The following ENKUR variants were observed in gnomAD, a reference collection of about 807,000 sequenced individuals.
ENKUR encodes enkurin, TRPC channel interacting protein, also known as enkurin.
Under a neutral mutation model 27.6 loss-of-function variants are expected in ENKUR, and 19 were observed. The observed-to-expected ratio is 0.69, with a 90% CI of 0.48 to 1.01. The LOEUF (loss-of-function observed/expected upper bound fraction) is 1.01, where lower values mean the gene tolerates loss of function less well. ENKUR is among the 50% of genes least tolerant of loss of function. The probability of loss-of-function intolerance (pLI) is 0.00; values close to 1 mark genes in which losing one functional copy is unlikely to be tolerated. For synonymous variants in ENKUR, 117 were observed against 96.9 expected, an observed-to-expected ratio of 1.21 and a Z score of -1.22; for missense variants, 312 against 310.5, an observed-to-expected ratio of 1.00 and a Z score of -0.04.
intron 2 of ENKUR, chr10:25,025,578 C>T: frequency 1.0e-6 from 1 of 960,354 alleles, no homozygotes; most frequent in Non-Finnish European, 1.5e-6. Context: ...TTTGGAATTT[C>T]AAAAGTCTGA....
At chr10:25,058,145 G>C (rs539111716) in intron 2 of ENKUR, among the ~76,000 whole-genome samples, 26 of 152,046 alleles carry the variant, frequency 1.7e-4, no homozygotes, top group African/African-American at 5.8e-4. Flanking sequence ...AGGTCTTATG[G>C]CTATTGTCAC....
intron 2 of ENKUR, among the ~76,000 whole-genome samples, chr10:25,034,049 C>T (rs1277990350): frequency 2.0e-5 from 3 of 151,970 alleles, no homozygotes; most frequent in Non-Finnish European, 4.4e-5. Flanking sequence ...GACTAAAGTA[C>T]ATTTCTACAT....
In ENKUR at chr10:25,008,687, T is replaced by C. The variant is rs183705031; in HGVS notation, c.77+7173A>G. On this transcript the variant is annotated intron_variant, in intron 1 of 5. Coordinates refer to ENST00000331161, the MANE Select transcript of ENKUR (RefSeq NM_145010.4). ...GGACTGTCAACTAGTTCAACCGTTGTGGAAGTGTGGCGATTCCTCAGGGAT... is the reference window on the plus strand; with the variant it reads ...GGACTGTCAACTAGTTCAACCGTTGCGGAAGTGTGGCGATTCCTCAGGGAT... 1.8e-4 allele frequency among the ~76,000 whole-genome samples: 28 copies of C among 152,134 alleles called. 1 individual carries two copies. The highest frequency in any genetic ancestry group is 1.8e-3 in the Admixed American group (27 of 15,266).
chr10:24,986,231 C>T (rs926947779), intron 4 of ENKUR, among the ~76,000 whole-genome samples: 2 of 152,120 alleles, frequency 1.3e-5, no homozygotes, highest in Admixed American at 6.6e-5. Context: ...CTTGTAGAAA[C>T]TTTCAGGGAC....
intron 3 of ENKUR, among the ~76,000 whole-genome samples, chr10:24,992,205 C>T (rs1264018453): frequency 1.3e-5 from 2 of 152,114 alleles, no homozygotes; most frequent in Non-Finnish European, 2.9e-5. Context: ...GCAAAGTTTC[C>T]GTCTTCAGGG....
At position 24,984,199 on chromosome 10, in the gene ENKUR, A is replaced by C; in HGVS notation, c.*171T>G. The C allele has an allele frequency of 1.5e-6, 1 of 663,302 alleles. No homozygotes were observed. The highest frequency in any genetic ancestry group is 2.4e-6 in the Non-Finnish European group (1 of 415,186). The allele number at this position is 663,302 out of a possible 1,614,324, so 41.1% of individuals were successfully genotyped here. A position where few individuals can be genotyped will look rare whatever the true frequency, so the allele number is the denominator to read the frequency against. On this transcript the variant is annotated 3_prime_UTR_variant, in exon 6 of 6. Coordinates refer to ENST00000331161, the MANE Select transcript of ENKUR (RefSeq NM_145010.4). ...ATATACAGTGTTACGAATACTGAAA[A>C]TATTTCTCACTGGGAATAACTGCAA... is the stretch of plus-strand genomic sequence containing the variant.
At chr10:25,000,876 G>C (rs1246331161) in intron 1 of ENKUR, among the ~76,000 whole-genome samples, 1 of 151,682 alleles carries the variant, frequency 6.6e-6, no homozygotes, top group Admixed American at 6.6e-5. Context: ...TGTTTGGTTT[G>C]GTTTTATGGA....
At chr10:25,003,601 T>C (rs1850244880) in intron 1 of ENKUR, among the ~76,000 whole-genome samples, 2 of 152,224 alleles carry the variant, frequency 1.3e-5, no homozygotes, top group Admixed American at 1.3e-4. Context: ...TTCTGTTAAA[T>C]AGCTGCATTT....
intron 2 of ENKUR, among the ~76,000 whole-genome samples, chr10:24,996,456 G>A (rs113912852): frequency 0.037 from 5,582 of 149,520 alleles, 274 homozygotes; most frequent in African/African-American, 0.11. Context: ...GTGTGTGTGT[G>A]TATATATATA....
In ENKUR at chr10:25,010,042, C is replaced by G. The variant is rs562022424; in HGVS notation, c.77+5818G>C. Reference sequence around the variant, plus strand: ...CAAAAATGTGAAAGCGACTTTGGAACTGGGTAACAGGCAGAGGTTGGAACA... The same window carrying G: ...CAAAAATGTGAAAGCGACTTTGGAAGTGGGTAACAGGCAGAGGTTGGAACA... On this transcript the variant is annotated intron_variant, in intron 1 of 5. Transcript: ENST00000331161. Among the ~76,000 whole-genome samples, 40 of 152,226 alleles carry G rather than the reference C, an allele frequency of 2.6e-4. 1 individual carries two copies. In the South Asian group the frequency reaches 8.3e-3, roughly 32 times the overall value.
chr10:25,025,375 A>G, intron 2 of ENKUR: 2 of 1,614,266 alleles, frequency 1.2e-6, no homozygotes, highest in African/African-American at 1.3e-5. Context: ...GCAAGAGAAG[A>G]TGGAGTACCA....
intron 2 of ENKUR, among the ~76,000 whole-genome samples, chr10:25,044,837 A>T (rs1851105129): frequency 6.6e-6 from 1 of 152,218 alleles, no homozygotes; most frequent in African/African-American, 2.4e-5. Context: ...TCCATTCAAG[A>T]ATCAGCCAAG....
At chr10:24,985,868 G>A in intron 4 of ENKUR, among the ~76,000 whole-genome samples, 1 of 152,152 alleles carries the variant, frequency 6.6e-6, no homozygotes, top group East Asian at 1.9e-4. Context: ...AGGAGTTCGA[G>A]ACCAGTGTGG....
intron 1 of ENKUR, among the ~76,000 whole-genome samples, chr10:25,000,630 C>G (rs966117137): frequency 3.3e-5 from 5 of 152,098 alleles, no homozygotes; most frequent in Non-Finnish European, 7.4e-5. Context: ...GGTAGCTAAT[C>G]AAGCATCCCT....
intron 1 of ENKUR, among the ~76,000 whole-genome samples, chr10:25,006,793 A>G (rs981063338): frequency 2.0e-5 from 3 of 152,190 alleles, no homozygotes; most frequent in African/African-American, 7.2e-5. Context: ...GAACTGTGCA[A>G]ACCAATTAAA....
At chr10:25,022,860 A>G (rs1397254247) in intron 2 of ENKUR, among the ~76,000 whole-genome samples, 3 of 152,214 alleles carry the variant, frequency 2.0e-5, no homozygotes, top group African/African-American at 7.2e-5. Flanking sequence ...GATTTAGTGT[A>G]TATATACTTT....
intron 3 of ENKUR, among the ~76,000 whole-genome samples, chr10:24,992,542 G>C (rs1241240262): frequency 1.3e-5 from 2 of 152,162 alleles, no homozygotes; most frequent in African/African-American, 4.8e-5. Context: ...TTCTCGATAG[G>C]AGTCTTAAGA....
At chr10:25,025,609 A>C (rs12249889) in intron 2 of ENKUR, 204,642 of 685,816 alleles carry the variant, frequency 0.3, 33,187 homozygotes, top group East Asian at 0.51. Flanking sequence ...TGACATGAGA[A>C]CTCCATGTCA....
upstream of ENKUR, among the ~76,000 whole-genome samples, chr10:25,018,685 G>A: frequency 1.6e-5 from 2 of 127,322 alleles, no homozygotes; most frequent in Admixed American, 8.5e-5. Context: ...TTTTTGCGAA[G>A]GATTATTTTA....
Sources: gnomAD v4.1 joint callset for allele counts (sites outside exome capture counted in the v4.1 genomes callset) on GRCh38, gnomAD v4.1.1 for gene constraint, MANE v1.5 for transcripts, NCBI Gene and HGNC (gene_info 2026-07-23, HGNC 2026-07-21) for gene names.